PLAAT3: variants seen among roughly 807,000 people sequenced by gnomAD.
PLAAT3 encodes Ca-independent phospholipase A1/2.
Under a neutral mutation model 16.7 loss-of-function variants are expected in PLAAT3, and 21 were observed. The ratio of observed to expected loss-of-function variants is 1.26; its 90% CI spans 0.89 to 1.81. The LOEUF is 1.81. PLAAT3 is among the 40% of genes most tolerant of loss of function. The pLI, the probability that PLAAT3 is intolerant of heterozygous loss-of-function variation, is 0.00. For missense variants in PLAAT3, 219 were observed against 213.7 expected (o/e 1.02, Z -0.16); for synonymous variants, 76 against 81.7 (o/e 0.93, Z 0.38).
At chr11:63,615,603 G>T (rs1330959672), upstream of PLAAT3, among the ~76,000 whole-genome samples, 1 of 151,772 alleles carries the variant, frequency 6.6e-6, no homozygotes, top group Admixed American at 6.6e-5. Flanking sequence ...AAGAGGAGAT[G>T]TTGAGACGGA....
At chr11:63,613,527 A>G (rs190315256) in intron 2 of PLAAT3, among the ~76,000 whole-genome samples, 108 of 152,308 alleles carry the variant, frequency 7.1e-4, no homozygotes, top group African/African-American at 2.5e-3. Flanking sequence ...AGGAGGGTCC[A>G]CCTCCAAATC....
intron 3 of PLAAT3, 66 bp from the exon 4 acceptor site, chr11:63,590,434 G>A: frequency 2.0e-6 from 3 of 1,478,532 alleles, no homozygotes; most frequent in South Asian, 1.2e-5. Flanking sequence ...CTCAGAGCTG[G>A]CCCCCAGCCG....
chr11:63,600,574 G>A (rs1020448100), intron 2 of PLAAT3, among the ~76,000 whole-genome samples: 5 of 142,088 alleles, frequency 3.5e-5, no homozygotes, highest in Non-Finnish European at 6.0e-5. Context: ...ACATCTTCAT[G>A]GTTTTTTTGT....
chr11:63,608,201 T>A (rs683904), intron 2 of PLAAT3, among the ~76,000 whole-genome samples: 148,680 of 152,188 alleles, frequency 0.98, 72,726 homozygotes, highest in South Asian at 1. Context: ...AATTAATTAA[T>A]TAAAACAAAG....
At chr11:63,593,807 T>C (rs1938213047) in intron 3 of PLAAT3, among the ~76,000 whole-genome samples, 1 of 152,216 alleles carries the variant, frequency 6.6e-6, no homozygotes, top group South Asian at 2.1e-4. Context: ...CTCAAACTCC[T>C]GATCTCAGGT....
intron 2 of PLAAT3, among the ~76,000 whole-genome samples, chr11:63,605,627 C>A (rs1590698890): frequency 6.6e-6 from 1 of 151,680 alleles, no homozygotes; most frequent in Non-Finnish European, 1.5e-5. Flanking sequence ...ATCTCGGCTC[C>A]CTGCAAGCTC....
intron 4 of PLAAT3, among the ~76,000 whole-genome samples, chr11:63,579,454 C>T (rs1432191026): frequency 6.6e-6 from 1 of 151,964 alleles, no homozygotes; most frequent in African/African-American, 2.4e-5. Context: ...TTCACAATAG[C>T]AAAGACTTGG....
intron 2 of PLAAT3, among the ~76,000 whole-genome samples, chr11:63,601,759 C>T (rs898035581): frequency 1.3e-5 from 2 of 151,758 alleles, no homozygotes; most frequent in African/African-American, 4.8e-5. Context: ...GCGGATCACC[C>T]GAGGTCAGGA....
At chr11:63,604,484 C>T (rs545679443) in intron 2 of PLAAT3, among the ~76,000 whole-genome samples, 24 of 152,090 alleles carry the variant, frequency 1.6e-4, no homozygotes, top group Non-Finnish European at 2.9e-4. Flanking sequence ...TATTCTAGGC[C>T]GGGCGCGGGG....
intron 2 of PLAAT3, among the ~76,000 whole-genome samples, chr11:63,602,812 G>A (rs1253779694): frequency 7.2e-5 from 11 of 152,146 alleles, no homozygotes; most frequent in Admixed American, 6.5e-4. Flanking sequence ...TACTATGATG[G>A]CCAGGCGCAG....
intron 3 of PLAAT3, among the ~76,000 whole-genome samples, chr11:63,596,305 A>G (rs1938288242): frequency 6.6e-6 from 1 of 150,476 alleles, no homozygotes; most frequent in South Asian, 2.1e-4. Context: ...CATAAAAAAC[A>G]CATCAAAACA....
At chr11:63,614,126 C>G in intron 1 of PLAAT3, 58 bp from the exon 2 acceptor site, 1 of 1,456,270 alleles carries the variant, frequency 6.9e-7, no homozygotes, top group Non-Finnish European at 9.6e-7. Context: ...TCTCCAGACC[C>G]CACGGGACTG....
At chr11:63,582,099 T>A (rs1481732452) in intron 4 of PLAAT3, among the ~76,000 whole-genome samples, 3 of 152,226 alleles carry the variant, frequency 2.0e-5, no homozygotes, top group African/African-American at 7.2e-5. Context: ...AATGCACTTA[T>A]CAATCCAGAT....
chr11:63,605,910 G>T (rs556223862), intron 2 of PLAAT3, among the ~76,000 whole-genome samples: 2 of 152,218 alleles, frequency 1.3e-5, no homozygotes, highest in South Asian at 4.1e-4. Context: ...CCCAAGCGAT[G>T]TCAGGGCAAT....
In PLAAT3 at chr11:63,590,275, C is replaced by G. The variant is rs752718583; in HGVS notation, c.212G>C (p.Ser71Thr). ...KKELLYDVAG[S>T]DKYQVNNKHD... ...TTTGTTGTTGACCTGGTACTTGTCACTCCCGGCCACATCATACAGCAATTC... is the reference window on the plus strand; with the variant it reads ...TTTGTTGTTGACCTGGTACTTGTCAGTCCCGGCCACATCATACAGCAATTC... Residue 71 changes from serine (S) to threonine (T), a missense_variant, in exon 4 of 5, where the codon AGT (serine) becomes ACT (threonine). Physicochemically the swap from Ser to Thr is moderately conservative, Grantham distance 58 (BLOSUM62 1). Coordinates refer to ENST00000415826, the MANE Select transcript of PLAAT3 (RefSeq NM_001128203.2). 1.9e-6 allele frequency: 3 copies of G among 1,614,060 alleles called. No homozygotes were observed. In the African/African-American group the frequency reaches 4.0e-5, roughly 22 times the overall value.
intron 4 of PLAAT3, among the ~76,000 whole-genome samples, chr11:63,583,527 G>A (rs1283938515): frequency 5.9e-5 from 9 of 152,230 alleles, no homozygotes; most frequent in Non-Finnish European, 1.3e-4. Context: ...CAAAGAGTAT[G>A]ATTAAACACA....
At chr11:63,579,913 C>T (rs1937757452) in intron 4 of PLAAT3, among the ~76,000 whole-genome samples, 1 of 151,350 alleles carries the variant, frequency 6.6e-6, no homozygotes, top group Admixed American at 6.6e-5. Flanking sequence ...GGAGCAATGC[C>T]TCCAAAACTC....
chr11:63,590,537 C>G (rs916928043), intron 3 of PLAAT3, among the ~76,000 whole-genome samples, 169 bp from the exon 4 acceptor site: 3 of 152,200 alleles, frequency 2.0e-5, no homozygotes, highest in Non-Finnish European at 4.4e-5. Context: ...TGTGTGGTCT[C>G]TGGGCCCTGG....
intron 4 of PLAAT3, among the ~76,000 whole-genome samples, chr11:63,581,202 G>A (rs917451497): frequency 2.0e-5 from 3 of 152,182 alleles, no homozygotes; most frequent in African/African-American, 4.8e-5. Flanking sequence ...GAATAACAGC[G>A]ATTTTCAGGG....
Sources: gnomAD v4.1 joint callset for allele counts (sites outside exome capture counted in the v4.1 genomes callset) on GRCh38, gnomAD v4.1.1 for gene constraint, MANE v1.5 for transcripts, NCBI Gene and HGNC (gene_info 2026-07-23, HGNC 2026-07-21) for gene names.